The following SPG11 variants were observed in gnomAD, a reference collection of about 807,000 sequenced individuals.
SPG11 encodes spatacsin.
A neutral mutation model predicts 274.0 loss-of-function variants in SPG11; 222 were observed. The observed-to-expected ratio is 0.81, with a 90% confidence interval of 0.73 to 0.91. The LOEUF (loss-of-function observed/expected upper bound fraction) is 0.91, where lower values mean the gene tolerates loss of function less well. SPG11 is among the 40% of genes least tolerant of loss of function. The probability of loss-of-function intolerance (pLI) is 0.00; values close to 1 mark genes in which losing one functional copy is unlikely to be tolerated. For synonymous variants in SPG11, 1,144 were observed against 1,039.7 expected (o/e 1.10, Z -1.93); for missense variants, 3,114 against 2,872.7 (o/e 1.08, Z -1.92).
intron 27 of SPG11, 58 bp from the exon 28 acceptor site, chr15:44,589,472 A>T (rs746918256): frequency 3.7e-5 from 59 of 1,605,272 alleles, no homozygotes; most frequent in Non-Finnish European, 4.9e-5. Flanking sequence ...GCAAATCAAA[A>T]CCTCCAAATC....
At chr15:44,629,439 T>C (rs920345010) in intron 8 of SPG11, 51 bp from the exon 9 acceptor site, 1 of 1,536,166 alleles carries the variant, frequency 6.5e-7, no homozygotes, top group South Asian at 1.1e-5. Context: ...ATACTCACAA[T>C]AAAATTAACA....
chr15:44,640,711 C>A (rs1357783359), intron 7 of SPG11, among the ~76,000 whole-genome samples: 1 of 152,070 alleles, frequency 6.6e-6, no homozygotes, highest in Non-Finnish European at 1.5e-5. Context: ...CATTTCAGAT[C>A]AGCAGTAAAA....
At chr15:44,635,371 T>G (rs1461001142) in intron 7 of SPG11, among the ~76,000 whole-genome samples, 1 of 151,656 alleles carries the variant, frequency 6.6e-6, no homozygotes. Context: ...GCCCAGGAGT[T>G]TGAGACCAGC....
chr15:44,633,211 T>TC (rs1050740411), intron 8 of SPG11, among the ~76,000 whole-genome samples: 1 of 150,984 alleles, frequency 6.6e-6, no homozygotes, highest in African/African-American at 2.4e-5. Flanking sequence ...ACACGTGTAG[T>TC]CCCAGCTACT....
chr15:44,656,881 C>A (rs948503637), intron 4 of SPG11, among the ~76,000 whole-genome samples: 3 of 151,794 alleles, frequency 2.0e-5, no homozygotes, highest in African/African-American at 7.3e-5. Context: ...AAATCAAAAT[C>A]AAAACTTTGA....
chr15:44,593,754 CTTT>C (rs112815798), intron 26 of SPG11, among the ~76,000 whole-genome samples: 13 of 135,492 alleles, frequency 9.6e-5, no homozygotes, highest in South Asian at 2.4e-4. Flanking sequence ...TTCATAATAT[CTTT>C]TTTTTTTTTT....
rs146501021 is a variant in SPG11 at position 44,596,072 on chromosome 15, A to G, written c.4434+11T>C. 7.5e-4 allele frequency: 1,203 copies of G among 1,612,862 alleles called. 11 individuals carry two copies. The African/African-American group carries it at 0.015, about 20-fold the overall frequency. On this transcript the variant is annotated intron_variant, in intron 25 of 39. Coordinates refer to ENST00000261866, the MANE Select transcript of SPG11 (RefSeq NM_025137.4). ...TCTGGGTACTTACTTCAGGCTTCTC[A>G]TGATCCTCACCTGGAGACATGAGGC...
At chr15:44,598,533 A>G (rs1379130725) in intron 22 of SPG11, 98 bp downstream of exon 22, 2 of 1,366,098 alleles carry the variant, frequency 1.5e-6, no homozygotes, top group African/African-American at 2.9e-5. Flanking sequence ...GATAAAACCA[A>G]GAAGATAACC....
At chr15:44,641,838 G>C (rs1329266158) in intron 7 of SPG11, among the ~76,000 whole-genome samples, 1 of 145,740 alleles carries the variant, frequency 6.9e-6, no homozygotes, top group Admixed American at 7.2e-5. Context: ...GTATGATCAA[G>C]CAATTCTGCT....
At chr15:44,640,844 C>T (rs1049778435) in intron 7 of SPG11, among the ~76,000 whole-genome samples, 2 of 152,146 alleles carry the variant, frequency 1.3e-5, no homozygotes, top group Non-Finnish European at 1.5e-5. Context: ...GATTCTCCTG[C>T]CTCAGCCTCC....
chr15:44,660,776 C>T (rs1250590993), intron 1 of SPG11, among the ~76,000 whole-genome samples, 160 bp from the exon 2 acceptor site: 1 of 152,136 alleles, frequency 6.6e-6, no homozygotes, highest in Admixed American at 6.5e-5. Context: ...TCTAGGACCT[C>T]CCTCCTCTTC....
At chr15:44,644,682 C>T (rs1275294042) in intron 7 of SPG11, among the ~76,000 whole-genome samples, 1 of 152,098 alleles carries the variant, frequency 6.6e-6, no homozygotes, top group East Asian at 1.9e-4. Context: ...ACCCCATAGT[C>T]TCTGTTCAAA....
intron 18 of SPG11, 34 bp from the exon 19 acceptor site, chr15:44,608,639 A>G: frequency 2.5e-6 from 4 of 1,604,492 alleles, no homozygotes; most frequent in Non-Finnish European, 3.4e-6. Context: ...GTTGGACAGT[A>G]GCATTTTTCT....
intron 4 of SPG11, among the ~76,000 whole-genome samples, chr15:44,654,559 C>G (rs2084881015): frequency 6.6e-6 from 1 of 152,064 alleles, no homozygotes. Flanking sequence ...TTAAGATTGG[C>G]TGGGCGCGGT....
At chr15:44,644,717 T>G (rs1326411586) in intron 7 of SPG11, among the ~76,000 whole-genome samples, 1 of 152,128 alleles carries the variant, frequency 6.6e-6, no homozygotes, top group Non-Finnish European at 1.5e-5. Context: ...ATAAACAACT[T>G]TGGCAAAGTT....
At position 44,620,411 on chromosome 15, in the gene SPG11, A is replaced by G. The variant is rs771974720; in HGVS notation, c.2621-8T>C. 3.9e-5 allele frequency: 61 copies of G among 1,579,472 alleles called. No individual in the cohort carries two copies. Among genetic ancestry groups the G allele is most frequent in the Non-Finnish European group, 5.1e-5 (59 of 1,152,774 alleles). ...GGGAATATGATTTGTATTCTACATG[A>G]AAAAAAACACATTTTAAAATATAAT... is the stretch of plus-strand genomic sequence containing the variant. On this transcript the variant is annotated splice_region_variant and splice_polypyrimidine_tract_variant and intron_variant, in intron 14 of 39. Coordinates refer to ENST00000261866, the MANE Select transcript of SPG11 (RefSeq NM_025137.4).
In SPG11 at chr15:44,563,106, C is replaced by T. The variant is rs368289181; in HGVS notation, c.*15G>A. 29 of 1,613,088 alleles carry T rather than the reference C, an allele frequency of 1.8e-5. No homozygotes were observed. The highest frequency in any genetic ancestry group is 2.5e-5 in the Non-Finnish European group (29 of 1,179,346). ...TCTGCTAACAGTACAAGAAAACAGA[C>T]ACCTATGAAATCATCTAACCTGCTA... is the stretch of plus-strand genomic sequence containing the variant. On this transcript the variant is annotated 3_prime_UTR_variant, in exon 40 of 40. Coordinates refer to ENST00000261866, the MANE Select transcript of SPG11 (RefSeq NM_025137.4).
At chr15:44,656,163 G>T (rs2084935319) in intron 4 of SPG11, among the ~76,000 whole-genome samples, 1 of 152,026 alleles carries the variant, frequency 6.6e-6, no homozygotes, top group Admixed American at 6.6e-5. Flanking sequence ...AAACAGAGAA[G>T]GTTTAAAAAT....
chr15:44,583,921 C>G lies in SPG11; in HGVS notation c.5759G>C (p.Gly1920Ala), dbSNP rs1445593607. The G allele has an allele frequency of 1.2e-6, 2 of 1,614,088 alleles. No homozygotes were observed. The highest frequency in any genetic ancestry group is 2.7e-5 in the African/African-American group (2 of 74,920). Residue 1920 changes from glycine to alanine, a missense_variant, in exon 30 of 40, where the codon GGG becomes GCG. Transcript: ENST00000261866. ...GTGCAGATCCTCCATACTAGCTTCC[C>G]CTGAGGCCAGTGCTCTGCAGTGCAA... ...LVLHCRALAS[G>A]EASMEDLHPE...
Sources: allele counts gnomAD v4.1 joint callset (sites outside exome capture counted in the v4.1 genomes callset), GRCh38; gene constraint gnomAD v4.1.1; transcripts MANE v1.5; gene names NCBI Gene and HGNC (gene_info 2026-07-23, HGNC 2026-07-21).